The following ZNF83 variants were observed in gnomAD, a reference collection of about 807,000 sequenced individuals.
ZNF83 encodes zinc finger protein 83.
For missense variants in ZNF83, 552 were observed against 629.9 expected (o/e 0.88, Z 1.32); for synonymous variants, 209 against 213.0 (o/e 0.98, Z 0.17).
At chr19:52,627,228 C>A (rs190524020) in intron 2 of ZNF83, among the ~76,000 whole-genome samples, 6 of 152,250 alleles carry the variant, frequency 3.9e-5, no homozygotes, top group African/African-American at 1.4e-4. Flanking sequence ...TTTTTCAGAC[C>A]CAGTCTGCCT....
chr19:52,619,386 G>C (rs562193711), intron 2 of ZNF83, among the ~76,000 whole-genome samples: 53 of 152,266 alleles, frequency 3.5e-4, no homozygotes, highest in Admixed American at 1.7e-3. Flanking sequence ...CCAACACTTT[G>C]GGAGGCTGAG....
chr19:52,688,696 A>G (rs2062089967), intron 1 of ZNF83, among the ~76,000 whole-genome samples: 1 of 151,930 alleles, frequency 6.6e-6, no homozygotes, highest in South Asian at 2.1e-4. Flanking sequence ...CTTCTCCCCA[A>G]TCTTTTGATC....
intron 2 of ZNF83, among the ~76,000 whole-genome samples, chr19:52,627,359 T>TAAA (rs35408180): frequency 1.3e-5 from 2 of 149,198 alleles, no homozygotes; most frequent in South Asian, 4.2e-4. Flanking sequence ...AGGAGAGGCA[T>TAAA]AAAAAAGAAA....
At chr19:52,650,916 A>G (rs1161421473) in intron 3 of ZNF83, 3 of 152,208 alleles carry the variant, frequency 2.0e-5, no homozygotes, top group Non-Finnish European at 4.4e-5. Flanking sequence ...GAAGGAAGCT[A>G]CAAGTTCCTC....
chr19:52,638,405 G>T (rs1056477760), upstream of ZNF83: 3 of 152,150 alleles, frequency 2.0e-5, no homozygotes, highest in Non-Finnish European at 2.9e-5. Flanking sequence ...CGGGGCCCGC[G>T]AGGTGGGCGG....
At chr19:52,636,587 C>T (rs750362528) in intron 1 of ZNF83, 1 of 152,104 alleles carries the variant, frequency 6.6e-6, no homozygotes, top group Non-Finnish European at 1.5e-5. Flanking sequence ...AGATTATATA[C>T]AAAGAAGTCA....
chr19:52,619,983 AGGTTGCAGTGAG>A (rs2060474005), intron 2 of ZNF83, among the ~76,000 whole-genome samples: 1 of 152,180 alleles, frequency 6.6e-6, no homozygotes, highest in East Asian at 1.9e-4. Flanking sequence ...ATGAGGGTAC[AGGTTGCAGTGAG>A]CTATGATTGC....
At position 52,666,272 on chromosome 19, in the gene ZNF83, AAGAG is replaced by A. The variant is rs574556973; in HGVS notation, c.-282-5433_-282-5430del. 2.0e-4 allele frequency among the ~76,000 whole-genome samples: 30 copies of A among 151,832 alleles called. No homozygotes were observed. In the South Asian group the frequency reaches 3.7e-3, roughly 19 times the overall value. On this transcript the variant is annotated intron_variant, in intron 1 of 5. Coordinates refer to the ZNF83 transcript ENST00000594682. ...GGGAGAAAGAGACAGAGAGTCAGAA[AAGAG>A]AGAGAGAGAGTAGTAGTAGAGAGAA...
intron 2 of ZNF83, among the ~76,000 whole-genome samples, chr19:52,629,006 T>G (rs2060850874): frequency 6.6e-6 from 1 of 151,990 alleles, no homozygotes; most frequent in Non-Finnish European, 1.5e-5. Context: ...CTCTCTTTTC[T>G]CTGGGCTTGC....
intron 3 of ZNF83, among the ~76,000 whole-genome samples, chr19:52,647,533 C>T (rs2061387938): frequency 6.6e-6 from 1 of 152,070 alleles, no homozygotes; most frequent in African/African-American, 2.4e-5. Flanking sequence ...CCCCTTGCCT[C>T]AGTCTCCTAA....
chr19:52,674,333 C>A (rs2061769930), intron 1 of ZNF83: 1 of 152,184 alleles, frequency 6.6e-6, no homozygotes, highest in Admixed American at 6.5e-5. Flanking sequence ...AATAACCAAT[C>A]AGGAAAAATT....
Position 52,653,043 on chromosome 19 carries a change from G to T in ZNF83, c.-74+2518C>A, listed in dbSNP as rs919175299. On this transcript the variant is annotated intron_variant, in intron 3 of 5. Coordinates refer to the ZNF83 transcript ENST00000594682. ...GGTTTGACTGTTGATTAAAAACCTTGCCACATTCATTACACTTGTAAGGTT... is the reference window on the plus strand; with the variant it reads ...GGTTTGACTGTTGATTAAAAACCTTTCCACATTCATTACACTTGTAAGGTT... 1.0e-5 allele frequency: 15 copies of T among 1,476,098 alleles called. No individual in the cohort carries two copies. The African/African-American group carries it at 2.1e-4, about 21-fold the overall frequency. 91.4% of individuals were successfully genotyped at this position (1,476,098 alleles called of 1,614,324 possible).
chr19:52,680,838 T>C (rs2061904332), intron 1 of ZNF83, among the ~76,000 whole-genome samples: 1 of 150,662 alleles, frequency 6.6e-6, no homozygotes. Context: ...GGTCTCGATC[T>C]CCTGACCTCG....
intron 3 of ZNF83, among the ~76,000 whole-genome samples, chr19:52,650,054 G>C (rs2061423135): frequency 6.6e-6 from 1 of 152,064 alleles, no homozygotes. Context: ...TGAAAAGGGA[G>C]AGGGACAAGA....
intron 1 of ZNF83, among the ~76,000 whole-genome samples, chr19:52,637,308 A>C (rs552027524): frequency 2.0e-4 from 30 of 152,114 alleles, no homozygotes; most frequent in African/African-American, 5.5e-4. Flanking sequence ...ATGTGGAACC[A>C]CAGATCCCCA....
intron 1 of ZNF83, among the ~76,000 whole-genome samples, chr19:52,663,072 A>C (rs2061600641): frequency 6.6e-6 from 1 of 152,066 alleles, no homozygotes. Context: ...CTGACCAGGG[A>C]GGATCACTTG....
chr19:52,663,472 G>T (rs1568571406), intron 1 of ZNF83, among the ~76,000 whole-genome samples: 1 of 152,158 alleles, frequency 6.6e-6, no homozygotes, highest in Non-Finnish European at 1.5e-5. Flanking sequence ...GAATATTATG[G>T]ACCAGAGGAA....
intron 3 of ZNF83, chr19:52,655,468 T>A: frequency 8.5e-7 from 1 of 1,180,754 alleles, no homozygotes; most frequent in Non-Finnish European, 1.2e-6. Flanking sequence ...CAAAAGCATG[T>A]ATGCGGCAAA....
chr19:52,673,722 T>G (rs2061758892), intron 1 of ZNF83, among the ~76,000 whole-genome samples: 1 of 151,280 alleles, frequency 6.6e-6, no homozygotes, highest in South Asian at 2.1e-4. Context: ...AGACTCCAAC[T>G]CAAAAAAATA....
Sources: gnomAD v4.1 joint callset for allele counts (sites outside exome capture counted in the v4.1 genomes callset) on GRCh38, gnomAD v4.1.1 for gene constraint, MANE v1.5 for transcripts, NCBI Gene and HGNC (gene_info 2026-07-23, HGNC 2026-07-21) for gene names.